SMAP1: variants seen among roughly 807,000 people sequenced by gnomAD.
SMAP1 encodes the protein small ArfGAP 1, also known as stromal membrane-associated protein 1.
Under a neutral mutation model 58.5 loss-of-function variants are expected in SMAP1, and 24 were observed. The observed-to-expected ratio is 0.41, with a 90% CI of 0.30 to 0.58. SMAP1 has a LOEUF of 0.58. Ranked by LOEUF, SMAP1 falls within the 20% of genes least tolerant of loss-of-function variation. The pLI, the probability that SMAP1 is intolerant of heterozygous loss-of-function variation, is 0.29. For missense variants in SMAP1, 563 were observed against 566.3 expected, an observed-to-expected ratio of 0.99 and a Z score of 0.06; for synonymous variants, 216 against 196.6, an observed-to-expected ratio of 1.10 and a Z score of -0.82.
intron 1 of SMAP1, among the ~76,000 whole-genome samples, chr6:70,702,090 A>G (rs182392873): frequency 1.3e-5 from 2 of 152,254 alleles, no homozygotes; most frequent in African/African-American, 4.8e-5. Context: ...TCATCATTGT[A>G]TGTTCCTTTG....
chr6:70,700,786 G>A (rs1767596262), intron 1 of SMAP1, among the ~76,000 whole-genome samples: 1 of 152,238 alleles, frequency 6.6e-6, no homozygotes, highest in Admixed American at 6.5e-5. Flanking sequence ...CTACTAGCAA[G>A]TACCGGCAAG....
chr6:70,813,581 C>T (rs1769482795), intron 6 of SMAP1, among the ~76,000 whole-genome samples: 1 of 151,960 alleles, frequency 6.6e-6, no homozygotes, highest in Non-Finnish European at 1.5e-5. Context: ...TTTTTACCTT[C>T]TCTTCCCCTA....
At chr6:70,831,054 G>A (rs1041594739) in intron 6 of SMAP1, among the ~76,000 whole-genome samples, 1 of 152,088 alleles carries the variant, frequency 6.6e-6, no homozygotes, top group Admixed American at 6.6e-5. Flanking sequence ...TTAAATGTTT[G>A]GTTTTTGAAA....
At position 70,857,966 on chromosome 6, in the gene SMAP1, C is replaced by A. The variant is rs779152913; in HGVS notation, c.1006C>A (p.Pro336Thr). 9 of 1,614,004 alleles carry A rather than the reference C, an allele frequency of 5.6e-6. No homozygotes were observed. Among genetic ancestry groups the A allele is most frequent in the Non-Finnish European group, 6.8e-6 (8 of 1,180,008 alleles). Residue 336 changes from proline to threonine, a missense_variant, in exon 10 of 11, where the codon CCA (proline) becomes ACA (threonine). Physicochemically the swap from Pro to Thr is conservative, Grantham distance 38. Coordinates refer to ENST00000370455, the MANE Select transcript of SMAP1 (RefSeq NM_001044305.3). ...PTNIPFTSQA[P>T]AAFQGFPSMG... Reference sequence around the variant, plus strand: ...AAATATACCATTTACCTCACAAGCACCAGCTGCATTTCAGGGCTTTCCATC... The same window carrying A: ...AAATATACCATTTACCTCACAAGCAACAGCTGCATTTCAGGGCTTTCCATC...
intron 1 of SMAP1, among the ~76,000 whole-genome samples, chr6:70,672,069 G>A (rs1035399360): frequency 6.6e-6 from 1 of 152,144 alleles, no homozygotes; most frequent in Non-Finnish European, 1.5e-5. Context: ...TCTTTGTTCC[G>A]CAGATCTTGA....
intron 4 of SMAP1, among the ~76,000 whole-genome samples, chr6:70,782,740 C>T (rs1040915057): frequency 2.6e-5 from 4 of 152,142 alleles, no homozygotes; most frequent in Non-Finnish European, 5.9e-5. Context: ...TGCTCTGTTT[C>T]TCTGAGTGAG....
At chr6:70,820,967 G>C (rs1582255486) in intron 6 of SMAP1, among the ~76,000 whole-genome samples, 1 of 152,102 alleles carries the variant, frequency 6.6e-6, no homozygotes, top group East Asian at 1.9e-4. Flanking sequence ...ATCAATAGCT[G>C]CTGGATTTAG....
At chr6:70,860,068 G>T in intron 10 of SMAP1, 132 bp from the exon 11 acceptor site, 1 of 979,376 alleles carries the variant, frequency 1.0e-6, no homozygotes, top group Non-Finnish European at 1.5e-6. Flanking sequence ...ATATTTGTAT[G>T]GTACTCTGTT....
intron 3 of SMAP1, among the ~76,000 whole-genome samples, chr6:70,756,241 C>A (rs566411099): frequency 6.6e-6 from 1 of 151,932 alleles, no homozygotes; most frequent in Non-Finnish European, 1.5e-5. Flanking sequence ...TATTAACGAT[C>A]AATTATATTG....
intron 2 of SMAP1, 93 bp from the exon 3 acceptor site, chr6:70,754,887 T>C (rs1470134279): frequency 3.3e-6 from 2 of 609,524 alleles, no homozygotes; most frequent in Non-Finnish European, 5.8e-6. Flanking sequence ...AATAAATTAT[T>C]TGGTATTTGT....
At chr6:70,720,188 G>A (rs1367274623) in intron 1 of SMAP1, among the ~76,000 whole-genome samples, 1 of 152,148 alleles carries the variant, frequency 6.6e-6, no homozygotes, top group Non-Finnish European at 1.5e-5. Context: ...GGAGAAATTG[G>A]CCAAAACAAA....
intron 1 of SMAP1, among the ~76,000 whole-genome samples, chr6:70,690,975 TTTTG>T (rs528864699): frequency 1.2e-3 from 177 of 152,116 alleles, no homozygotes; most frequent in African/African-American, 3.9e-3. Flanking sequence ...GGCCTTGAGT[TTTTG>T]TTTGTTTTTT....
chr6:70,675,650 CAAA>C (rs571061801), intron 1 of SMAP1, among the ~76,000 whole-genome samples: 5 of 82,466 alleles, frequency 6.1e-5, no homozygotes, highest in Non-Finnish European at 5.0e-5. Flanking sequence ...GACTCCATCT[CAAA>C]AAAAAAAAAA....
At chr6:70,689,795 T>G (rs1483575390) in intron 1 of SMAP1, among the ~76,000 whole-genome samples, 1 of 152,152 alleles carries the variant, frequency 6.6e-6, no homozygotes, top group Non-Finnish European at 1.5e-5. Context: ...TTTTGTTAGA[T>G]TTTTCCATAA....
chr6:70,842,967 G>T (rs1185781875), intron 7 of SMAP1, among the ~76,000 whole-genome samples: 1 of 152,112 alleles, frequency 6.6e-6, no homozygotes. Context: ...GTCAGAATTG[G>T]ATTATATTAC....
At chr6:70,684,151 C>T (rs1172968748) in intron 1 of SMAP1, among the ~76,000 whole-genome samples, 1 of 152,140 alleles carries the variant, frequency 6.6e-6, no homozygotes, top group Non-Finnish European at 1.5e-5. Context: ...ATAAATTTGG[C>T]AGTAATGTAA....
At chr6:70,854,444 A>ATCTCCTT (rs1771313600) in intron 8 of SMAP1, among the ~76,000 whole-genome samples, 1 of 152,120 alleles carries the variant, frequency 6.6e-6, no homozygotes, top group African/African-American at 2.4e-5. Context: ...CAACATGGTG[A>ATCTCCTT]AACCCCATCT....
intron 4 of SMAP1, among the ~76,000 whole-genome samples, chr6:70,785,921 A>G (rs989040549): frequency 1.3e-5 from 2 of 152,206 alleles, no homozygotes; most frequent in Non-Finnish European, 2.9e-5. Context: ...CAATCAATAG[A>G]AAAAGAGGGA....
intron 7 of SMAP1, among the ~76,000 whole-genome samples, chr6:70,850,598 T>G (rs923962818): frequency 4.6e-5 from 7 of 151,878 alleles, no homozygotes; most frequent in Non-Finnish European, 1.0e-4. Context: ...ATAAAGTGCT[T>G]CCTCAATTCA....
Sources: gnomAD v4.1 joint callset for allele counts (sites outside exome capture counted in the v4.1 genomes callset) on GRCh38, gnomAD v4.1.1 for gene constraint, MANE v1.5 for transcripts, NCBI Gene and HGNC (gene_info 2026-07-23, HGNC 2026-07-21) for gene names.